Variants in UVRAG observed in about 807,000 individuals in gnomAD.
The protein encoded by UVRAG is UV radiation resistance associated.
UVRAG carries 19 observed loss-of-function variants against 78.0 expected under a neutral mutation model. That is an observed-to-expected ratio of 0.24 (90% confidence interval 0.17 to 0.36). UVRAG has a LOEUF of 0.36. Ranked by LOEUF, UVRAG falls within the 10% of genes least tolerant of loss-of-function variation. The probability of loss-of-function intolerance (pLI) is 1.00; values close to 1 mark genes in which losing one functional copy is unlikely to be tolerated. For synonymous variants in UVRAG, 323 were observed against 324.6 expected (o/e 1.00, Z 0.05); for missense variants, 740 against 853.8 (o/e 0.87, Z 1.66).
intron 6 of UVRAG, among the ~76,000 whole-genome samples, chr11:75,948,138 T>G (rs1211340002): frequency 2.0e-5 from 3 of 152,200 alleles, no homozygotes; most frequent in African/African-American, 7.2e-5. Context: ...TTGGTGCTAG[T>G]ACATGGTGGT....
intron 12 of UVRAG, among the ~76,000 whole-genome samples, chr11:76,028,280 A>C (rs142322543): frequency 6.6e-6 from 1 of 152,108 alleles, no homozygotes; most frequent in Non-Finnish European, 1.5e-5. Flanking sequence ...CTCTTCCCCC[A>C]TCTCTCTCCC....
At chr11:75,886,859 T>C (rs1947089205) in intron 4 of UVRAG, among the ~76,000 whole-genome samples, 1 of 152,184 alleles carries the variant, frequency 6.6e-6, no homozygotes, top group Non-Finnish European at 1.5e-5. Context: ...AGAATTTTTT[T>C]TTTTTTTGCC....
intron 3 of UVRAG, among the ~76,000 whole-genome samples, chr11:75,868,649 A>G (rs1275024894): frequency 6.6e-6 from 1 of 152,196 alleles, no homozygotes; most frequent in Non-Finnish European, 1.5e-5. Flanking sequence ...GTGTTCAGGG[A>G]GAGGTTAGAT....
intron 5 of UVRAG, among the ~76,000 whole-genome samples, chr11:75,901,768 T>C (rs914191861): frequency 6.6e-6 from 1 of 152,238 alleles, no homozygotes; most frequent in Non-Finnish European, 1.5e-5. Flanking sequence ...TAATGACTTA[T>C]GAGGTCTTGC....
intron 1 of UVRAG, among the ~76,000 whole-genome samples, chr11:75,846,594 T>C (rs570201873): frequency 4.0e-5 from 5 of 123,798 alleles, no homozygotes; most frequent in Non-Finnish European, 6.2e-5. Context: ...TCTACATTCA[T>C]TTTTTTTTTT....
intron 6 of UVRAG, among the ~76,000 whole-genome samples, chr11:75,960,220 C>A (rs894071347): frequency 4.6e-4 from 66 of 142,964 alleles, no homozygotes; most frequent in African/African-American, 1.7e-3. Flanking sequence ...TTTTTTGTTT[C>A]TTTTTTTTAA....
rs1372260577 is a variant in UVRAG, at chr11:76,143,562, G to A, written c.*2149G>A. The stretch of plus-strand genomic sequence containing the variant: ...TGCTAGGTGCCTACACATTTGCCTC[G>A]ACCCACACAGCCCCGTGGTGATGCC... On this transcript the variant is annotated 3_prime_UTR_variant, in exon 15 of 15. Coordinates refer to ENST00000356136, the MANE Select transcript of UVRAG (RefSeq NM_003369.4). Among the ~76,000 whole-genome samples, 2 of 152,218 alleles carry A rather than the reference G, an allele frequency of 1.3e-5. No homozygotes were observed. The highest frequency in any genetic ancestry group is 2.4e-5 in the African/African-American group (1 of 41,448).
chr11:76,061,801 A>G (rs529973032), intron 12 of UVRAG, among the ~76,000 whole-genome samples: 7 of 152,226 alleles, frequency 4.6e-5, no homozygotes, highest in African/African-American at 9.7e-5. Flanking sequence ...AGTGAGACCA[A>G]GAACCCACCA....
chr11:75,961,101 A>G (rs1277259620), intron 6 of UVRAG, among the ~76,000 whole-genome samples: 4 of 151,968 alleles, frequency 2.6e-5, no homozygotes, highest in Non-Finnish European at 4.4e-5. Flanking sequence ...CGGTGACTTT[A>G]GCAATCCATT....
At chr11:75,827,949 A>G (rs1945552259) in intron 1 of UVRAG, among the ~76,000 whole-genome samples, 1 of 152,140 alleles carries the variant, frequency 6.6e-6, no homozygotes, top group Non-Finnish European at 1.5e-5. Context: ...TCCTCAAGAA[A>G]ATCAGTATTG....
At chr11:75,991,246 A>G (rs1431282716) in intron 8 of UVRAG, among the ~76,000 whole-genome samples, 1 of 152,212 alleles carries the variant, frequency 6.6e-6, no homozygotes, top group East Asian at 1.9e-4. Context: ...TCTTCTGTGA[A>G]AAGACACATT....
At chr11:76,119,024 G>A (rs1007184097) in intron 14 of UVRAG, among the ~76,000 whole-genome samples, 7 of 152,138 alleles carry the variant, frequency 4.6e-5, no homozygotes, top group African/African-American at 1.7e-4. Flanking sequence ...TTACAGGTCT[G>A]TTTCTGTTTC....
At chr11:76,097,123 C>T (rs564220571) in intron 13 of UVRAG, among the ~76,000 whole-genome samples, 11 of 152,138 alleles carry the variant, frequency 7.2e-5, no homozygotes, top group Non-Finnish European at 7.4e-5. Context: ...CAGAACATTG[C>T]GTTTCCCTCC....
intron 13 of UVRAG, among the ~76,000 whole-genome samples, chr11:76,089,729 C>G (rs144668965): frequency 6.6e-6 from 1 of 152,292 alleles, no homozygotes; most frequent in Non-Finnish European, 1.5e-5. Flanking sequence ...TATGTTACTA[C>G]TTGCCTCTAA....
At chr11:76,054,959 A>G (rs1435880668) in intron 12 of UVRAG, among the ~76,000 whole-genome samples, 1 of 152,218 alleles carries the variant, frequency 6.6e-6, no homozygotes, top group African/African-American at 2.4e-5. Flanking sequence ...TTATTGATTG[A>G]ATCAGTTCTT....
intron 6 of UVRAG, among the ~76,000 whole-genome samples, chr11:75,930,599 A>G (rs1273142512): frequency 6.6e-6 from 1 of 152,208 alleles, no homozygotes; most frequent in South Asian, 2.1e-4. Context: ...AAGCATTCCA[A>G]TTTTGATGCT....
chr11:76,063,049 CAT>C (rs1951123614), intron 12 of UVRAG, among the ~76,000 whole-genome samples: 1 of 152,150 alleles, frequency 6.6e-6, no homozygotes. Flanking sequence ...ATTCTTAACT[CAT>C]ATTGAAACTG....
chr11:75,989,176 T>C (rs1320329151), intron 8 of UVRAG, among the ~76,000 whole-genome samples: 3 of 152,148 alleles, frequency 2.0e-5, no homozygotes, highest in Admixed American at 6.5e-5. Context: ...TGCCTCAGCC[T>C]CCTCAGTAGC....
intron 6 of UVRAG, among the ~76,000 whole-genome samples, chr11:75,921,474 T>C (rs114650809): frequency 0.019 from 2,828 of 152,288 alleles, 82 homozygotes; most frequent in African/African-American, 0.064. Context: ...GGTATTTTTT[T>C]CCCAAATCTG....
Sources: gnomAD v4.1 joint callset for allele counts (sites outside exome capture counted in the v4.1 genomes callset) on GRCh38, gnomAD v4.1.1 for gene constraint, MANE v1.5 for transcripts, NCBI Gene and HGNC (gene_info 2026-07-23, HGNC 2026-07-21) for gene names.